Variants in LINGO2 observed in about 807,000 individuals in gnomAD.
The protein encoded by LINGO2 is leucine rich repeat and Ig domain containing 2.
LINGO2 carries 14 observed loss-of-function variants against 30.6 expected under a neutral mutation model. That is an observed-to-expected ratio of 0.46 (90% confidence interval 0.30 to 0.72). The LOEUF (loss-of-function observed/expected upper bound fraction) is 0.72, where lower values mean the gene tolerates loss of function less well. Among genes scored for constraint, LINGO2 ranks in the 30% least tolerant of loss-of-function variants. LINGO2 has a pLI of 0.07. For synonymous variants in LINGO2, 317 were observed against 288.5 expected (o/e 1.10, Z -1.00); for missense variants, 729 against 751.7 (o/e 0.97, Z 0.35).
chr9:28,359,283 G>A (rs1820352168), intron 3 of LINGO2, among the ~76,000 whole-genome samples: 1 of 152,098 alleles, frequency 6.6e-6, no homozygotes, highest in Non-Finnish European at 1.5e-5. Context: ...CTCACTGGAT[G>A]CAGACAGTGA....
At chr9:28,726,376 C>A in the LINGO2 span, among the ~76,000 whole-genome samples, 7 of 152,104 alleles carry the variant, frequency 4.6e-5, no homozygotes, top group African/African-American at 7.2e-5. Context: ...GAGTGTAATT[C>A]ACATTTTCTG....
At chr9:28,453,880 G>A (rs1385486229) in intron 2 of LINGO2, among the ~76,000 whole-genome samples, 1 of 151,398 alleles carries the variant, frequency 6.6e-6, no homozygotes, top group Non-Finnish European at 1.5e-5. Context: ...AAAATCATTT[G>A]GATGGCTCTT....
chr9:29,195,025 C>A, the LINGO2 span, among the ~76,000 whole-genome samples: 268 of 151,998 alleles, frequency 1.8e-3, no homozygotes, highest in African/African-American at 6.3e-3. Context: ...CTATTTATAA[C>A]CCTACCCACC....
chr9:28,292,761 G>A (rs949186343), intron 4 of LINGO2, among the ~76,000 whole-genome samples: 6 of 150,376 alleles, frequency 4.0e-5, no homozygotes, highest in African/African-American at 1.5e-4. Context: ...ACCACGCCTG[G>A]CCCTGATTTT....
intron 4 of LINGO2, among the ~76,000 whole-genome samples, chr9:28,132,814 G>A (rs774402225): frequency 1.8e-4 from 27 of 152,162 alleles, no homozygotes; most frequent in Admixed American, 3.9e-4. Flanking sequence ...CACTTTCCAA[G>A]GGGAAAACAA....
chr9:28,748,001 T>C, the LINGO2 span, among the ~76,000 whole-genome samples: 1 of 152,106 alleles, frequency 6.6e-6, no homozygotes, highest in Non-Finnish European at 1.5e-5. Context: ...GGTATCTGCA[T>C]ACCACAGAAG....
chr9:28,346,633 G>A (rs930361573), intron 3 of LINGO2, among the ~76,000 whole-genome samples: 9 of 152,118 alleles, frequency 5.9e-5, no homozygotes, highest in African/African-American at 1.4e-4. Flanking sequence ...CACAATGGTT[G>A]AACTAATTTA....
the LINGO2 span, among the ~76,000 whole-genome samples, chr9:28,731,306 A>G: frequency 6.6e-6 from 1 of 152,050 alleles, no homozygotes; most frequent in Non-Finnish European, 1.5e-5. Context: ...GGTATTTTTC[A>G]GTGGGTTAAT....
chr9:28,713,082 T>G, the LINGO2 span, among the ~76,000 whole-genome samples: 2 of 152,058 alleles, frequency 1.3e-5, no homozygotes, highest in Non-Finnish European at 2.9e-5. Context: ...GTCAGGCTGG[T>G]CTTGAACTCC....
At chr9:28,580,299 C>G (rs190679358) in intron 1 of LINGO2, among the ~76,000 whole-genome samples, 1 of 152,152 alleles carries the variant, frequency 6.6e-6, no homozygotes, top group Non-Finnish European at 1.5e-5. Flanking sequence ...AAAAGCCACT[C>G]TCTTTACAAT....
At chr9:28,683,532 T>C in the LINGO2 span, among the ~76,000 whole-genome samples, 1 of 152,184 alleles carries the variant, frequency 6.6e-6, no homozygotes, top group African/African-American at 2.4e-5. Context: ...CATGCCTCTA[T>C]TATTACATTT....
chr9:28,580,386 G>C (rs1824199868), intron 1 of LINGO2, among the ~76,000 whole-genome samples: 1 of 152,008 alleles, frequency 6.6e-6, no homozygotes, highest in Non-Finnish European at 1.5e-5. Flanking sequence ...AACACTTAAA[G>C]TTACCTTTCA....
the LINGO2 span, among the ~76,000 whole-genome samples, chr9:28,910,492 A>T: frequency 6.6e-6 from 1 of 152,042 alleles, no homozygotes; most frequent in Non-Finnish European, 1.5e-5. Flanking sequence ...TCTCATGTCA[A>T]ATTGTAATTC....
chr9:27,961,170 G>T (rs1313336982), intron 5 of LINGO2, among the ~76,000 whole-genome samples: 2 of 152,202 alleles, frequency 1.3e-5, no homozygotes, highest in East Asian at 3.9e-4. Flanking sequence ...CACCTTTAGG[G>T]TAATGTAAGT....
chr9:29,071,203 T>TGTATC, the LINGO2 span, among the ~76,000 whole-genome samples: 2 of 149,796 alleles, frequency 1.3e-5, no homozygotes, highest in African/African-American at 4.9e-5. Flanking sequence ...TGTATTGTAT[T>TGTATC]TTTTAGAGAC....
chr9:28,367,699 T>C (rs1564153989), intron 3 of LINGO2, among the ~76,000 whole-genome samples: 1 of 152,144 alleles, frequency 6.6e-6, no homozygotes, highest in East Asian at 1.9e-4. Flanking sequence ...CTGTCTCTTC[T>C]ATTCTGAGCT....
chr9:28,725,102 T>G, the LINGO2 span, among the ~76,000 whole-genome samples: 1 of 152,084 alleles, frequency 6.6e-6, no homozygotes, highest in African/African-American at 2.4e-5. Flanking sequence ...TGATGATCTA[T>G]TCCATGAGGC....
At chr9:28,253,528 AT>A (rs1396166607) in intron 4 of LINGO2, among the ~76,000 whole-genome samples, 1 of 152,126 alleles carries the variant, frequency 6.6e-6, no homozygotes, top group Non-Finnish European at 1.5e-5. Flanking sequence ...AAGCTAAATG[AT>A]TCCTCTTGCA....
chr9:29,076,023 C>G, the LINGO2 span, among the ~76,000 whole-genome samples: 3 of 149,778 alleles, frequency 2.0e-5, no homozygotes, highest in Admixed American at 6.7e-5. Context: ...TGTGCACCAC[C>G]ACATCTGATT....
Sources: gnomAD v4.1 joint callset for allele counts (sites outside exome capture counted in the v4.1 genomes callset) on GRCh38, gnomAD v4.1.1 for gene constraint, MANE v1.5 for transcripts, NCBI Gene and HGNC (gene_info 2026-07-23, HGNC 2026-07-21) for gene names.